Variants in CMTR2 observed in about 807,000 individuals in gnomAD.
CMTR2 encodes the protein cap methyltransferase 2, also known as cap-specific mRNA (nucleoside-2'-O-)-methyltransferase 2.
A neutral mutation model predicts 49.8 loss-of-function variants in CMTR2; 40 were observed. The observed-to-expected ratio is 0.80, with a 90% CI of 0.62 to 1.04. CMTR2 has a LOEUF of 1.04. Among genes scored for constraint, CMTR2 ranks in the 50% least tolerant of loss-of-function variants. The pLI, the probability that CMTR2 is intolerant of heterozygous loss-of-function variation, is 0.00. For synonymous variants in CMTR2, 326 were observed against 315.8 expected (o/e 1.03, Z -0.34); for missense variants, 907 against 897.2 (o/e 1.01, Z -0.14).
upstream of CMTR2, chr16:71,289,660 G>GGGAGGGGGAGGGGGAGGA (rs2041804917): frequency 6.6e-6 from 1 of 150,940 alleles, no homozygotes; most frequent in Admixed American, 6.6e-5. Flanking sequence ...GAGGGGGAGG[G>GGGAGGGGGAGGGGGAGGA]GGAGGGAGGG....
rs761754177 is a variant in CMTR2, at chr16:71,284,799, A to G, written c.1122T>C (p.Thr374=). 3.7e-6 allele frequency: 6 copies of G among 1,613,848 alleles called. 1 individual carries two copies. In the South Asian group the frequency reaches 6.6e-5, roughly 18 times the overall value. ...CVFFHKYQLE[T]ISENIRLFEC... ...CAAATAGACGAATGTTTTCAGAAAT[A>G]GTCTCTAGCTGATATTTATGAAAGA... Residue 374 remains threonine, a synonymous_variant, in exon 3 of 3, where the codon ACT becomes ACC. Transcript: ENST00000434935.
upstream of CMTR2, chr16:71,289,522 CA>C (rs2041800346): frequency 6.6e-6 from 1 of 152,196 alleles, no homozygotes. Flanking sequence ...TCGCGGAGTA[CA>C]GAAGCTGGGA....
chr16:71,281,874 A>G lies in CMTR2; in HGVS notation c.*1734T>C, dbSNP rs552744106. 5 of 152,126 alleles carry G rather than the reference A, an allele frequency of 3.3e-5. No individual in the cohort carries two copies. In the South Asian group the frequency reaches 1.0e-3, roughly 32 times the overall value. The allele number at this position is 152,126 out of a possible 1,614,324, so 9.4% of individuals were successfully genotyped here. On this transcript the variant is annotated 3_prime_UTR_variant, in exon 3 of 3. Transcript: ENST00000434935. ...TTCTTATCAAATAGTTAAAATAAGTAAAAAATAAGCTGCATTATTAGTATA... is the reference window on the plus strand; with the variant it reads ...TTCTTATCAAATAGTTAAAATAAGTGAAAAATAAGCTGCATTATTAGTATA...
At chr16:71,287,566 T>TGGGA (rs2041749856) in intron 2 of CMTR2, 1 of 152,126 alleles carries the variant, frequency 6.6e-6, no homozygotes, top group South Asian at 2.1e-4. Context: ...CCAAAGGAGT[T>TGGGA]GGGACTACAG....
Position 71,285,236 on chromosome 16 carries a change from C to A in CMTR2, c.685G>T (p.Val229Phe). Residue 229 changes from valine (V) to phenylalanine (F), a missense_variant, in exon 3 of 3, where the codon GTT becomes TTT. Val to Phe is a conservative substitution (Grantham distance 50). Coordinates refer to ENST00000434935, the MANE Select transcript of CMTR2 (RefSeq NM_018348.6). ...CTCCCATCTGCAGTGACCAAGTGAA[C>A]AGTAGCCATGCTGCTTATGAAATTC... Reference protein sequence around the residue: ...LQNFISSMATVHLVTADGSFD... With the variant: ...LQNFISSMATFHLVTADGSFD... The A allele has an allele frequency of 1.2e-6, 2 of 1,613,780 alleles. No homozygotes were observed. The highest frequency in any genetic ancestry group is 1.7e-6 in the Non-Finnish European group (2 of 1,179,678).
chr16:71,283,571 T>C lies in CMTR2; in HGVS notation c.*37A>G, dbSNP rs2041648055. The C allele has an allele frequency of 6.4e-7, 1 of 1,561,268 alleles. No individual in the cohort carries two copies. Among genetic ancestry groups the C allele is most frequent in the East Asian group, 2.2e-5 (1 of 44,560 alleles). On this transcript the variant is annotated 3_prime_UTR_variant, in exon 3 of 3. Coordinates refer to ENST00000434935, the MANE Select transcript of CMTR2 (RefSeq NM_018348.6). ...CAGGATGCAAATACTGGGCAAATTA[T>C]AAGAAATCATAAAGTTGAATCTCAG...
At position 71,281,531 on chromosome 16, in the gene CMTR2, T is replaced by G. The variant is rs1391746394; in HGVS notation, c.*2077A>C. The G allele has an allele frequency of 6.6e-6, 1 of 151,990 alleles. No homozygotes were observed. The highest frequency in any genetic ancestry group is 6.5e-5 in the Admixed American group (1 of 15,268). 9.4% of individuals were successfully genotyped at this position (151,990 alleles called of 1,614,324 possible). A position where few individuals can be genotyped will look rare whatever the true frequency, so the allele number is the denominator to read the frequency against. On this transcript the variant is annotated 3_prime_UTR_variant, in exon 3 of 3. Transcript: ENST00000434935. ...CTTCTTCTACTTTTCCATTCATCTT[T>G]TGAATAGCATTTTTCCTCTCCTTTC...
chr16:71,284,738 T>G lies in CMTR2; in HGVS notation c.1183A>C (p.Asn395His), dbSNP rs1163613372. 1 of 1,613,536 alleles carries G rather than the reference T, an allele frequency of 6.2e-7. No individual in the cohort carries two copies. The highest frequency in any genetic ancestry group is 1.3e-5 in the African/African-American group (1 of 74,928). ...MGKAEQEKLN[N>H]LRDCAIQYFM... ...TATTGTATAGCACAATCCCTTAAAT[T>G]ATTCAGCTTTTCTTGTTCCGCCTTT... The change falls in exon 3 of 3, where the codon AAT (asparagine) becomes CAT (histidine). Residue 395 changes from asparagine to histidine, a missense_variant. By Grantham distance (68) the Asn-to-His change is moderately conservative (BLOSUM62 1). Transcript: ENST00000434935.
At position 71,281,844 on chromosome 16, in the gene CMTR2, CTTCA is replaced by C. The variant is rs2041616323; in HGVS notation, c.*1760_*1763del. 1 of 151,974 alleles carries C rather than the reference CTTCA, an allele frequency of 6.6e-6. No homozygotes were observed. Among genetic ancestry groups the C allele is most frequent in the Admixed American group, 6.6e-5 (1 of 15,254 alleles). The allele number at this position is 151,974 out of a possible 1,614,324, so 9.4% of individuals were successfully genotyped here. ...CTAGAATCTGGACCCATGCCTTCAA[CTTCA>C]TTCTTATCAAATAGTTAAAATAAGT... is the stretch of plus-strand genomic sequence containing the variant. On this transcript the variant is annotated 3_prime_UTR_variant, in exon 3 of 3. Transcript: ENST00000434935.
Position 71,285,411 on chromosome 16 carries a change from T to G in CMTR2, c.510A>C (p.Val170=). 6.2e-7 allele frequency: 1 copy of G among 1,614,154 alleles called. No homozygotes were observed. ...SHRFPCHWSW[V]ANTLNPYHEA... is the part of the protein sequence containing the mutation. Reference sequence around the variant, plus strand: ...CATGGTATGGATTCAGAGTATTCGCTACCCAACTCCAATGACAAGGAAACC... The same window carrying G: ...CATGGTATGGATTCAGAGTATTCGCGACCCAACTCCAATGACAAGGAAACC... The change falls in exon 3 of 3, where the codon GTA becomes GTC. Residue 170 remains valine, a synonymous_variant. Transcript: ENST00000434935.
Position 71,283,960 on chromosome 16 carries a change from A to T in CMTR2, c.1961T>A (p.Phe654Tyr). The change falls in exon 3 of 3, where the codon TTT (phenylalanine) becomes TAT (tyrosine). Residue 654 changes from phenylalanine to tyrosine, a missense_variant. By Grantham distance (22) the Phe-to-Tyr change is conservative. Coordinates refer to ENST00000434935, the MANE Select transcript of CMTR2 (RefSeq NM_018348.6). The part of the protein sequence containing the change: ...ILPVLSCFTR[F>Y]MAGLIFVLHS... The stretch of plus-strand genomic sequence containing the variant: ...GAGTACAAAGATCAAACCAGCCATA[A>T]ATCTTGTGAAGCAAGAAAGTACAGG... 6.2e-7 allele frequency: 1 copy of T among 1,614,068 alleles called. No individual in the cohort carries two copies. Among genetic ancestry groups the T allele is most frequent in the East Asian group, 2.2e-5 (1 of 44,892 alleles).
chr16:71,284,857 G>C lies in CMTR2; in HGVS notation c.1064C>G (p.Ser355Cys), dbSNP rs765636530. 1 of 1,613,834 alleles carries C rather than the reference G, an allele frequency of 6.2e-7. No individual in the cohort carries two copies. Among genetic ancestry groups the C allele is most frequent in the South Asian group, 1.1e-5 (1 of 91,010 alleles). ...ALFPHHVIPD[S>C]FLKRHEECCV... The stretch of plus-strand genomic sequence containing the variant: ...ACATTCTTCATGTCTCTTAAGAAAA[G>C]AATCAGGAATCACATGATGGGGAAA... Residue 355 changes from serine (S) to cysteine (C), a missense_variant, in exon 3 of 3, where the codon TCT (serine) becomes TGT (cysteine). Coordinates refer to ENST00000434935, the MANE Select transcript of CMTR2 (RefSeq NM_018348.6).
rs2041696784 is a variant in CMTR2 at position 71,285,157 on chromosome 16, T to C, written c.764A>G (p.His255Arg). ...GEQEALVSSL[H>R]YCEVVTALTT... Reference sequence around the variant, plus strand: ...CAGAGCAGTGACAACTTCACAGTAATGCAAAGAAGAAACTAAAGCTTCTTG... The same window carrying C: ...CAGAGCAGTGACAACTTCACAGTAACGCAAAGAAGAAACTAAAGCTTCTTG... Residue 255 changes from histidine to arginine, a missense_variant, in exon 3 of 3, where the codon CAT (histidine) becomes CGT (arginine). Coordinates refer to ENST00000434935, the MANE Select transcript of CMTR2 (RefSeq NM_018348.6). 6 of 1,614,152 alleles carry C rather than the reference T, an allele frequency of 3.7e-6. No individual in the cohort carries two copies. The highest frequency in any genetic ancestry group is 5.1e-6 in the Non-Finnish European group (6 of 1,179,992).
In CMTR2 at chr16:71,285,245, T is replaced by C. The variant is rs2041699126; in HGVS notation, c.676A>G (p.Met226Val). The C allele has an allele frequency of 1.2e-6, 2 of 1,614,024 alleles. No homozygotes were observed. Among genetic ancestry groups the C allele is most frequent in the South Asian group, 1.1e-5 (1 of 91,074 alleles). Reference protein sequence around the residue: ...LTGLQNFISSMATVHLVTADG... With the variant: ...LTGLQNFISSVATVHLVTADG... ...GCAGTGACCAAGTGAACAGTAGCCA[T>C]GCTGCTTATGAAATTCTGAAGTCCA... The change falls in exon 3 of 3, where the codon ATG becomes GTG. Residue 226 changes from methionine (M) to valine (V), a missense_variant. By Grantham distance (21) the Met-to-Val change is conservative. Transcript: ENST00000434935.
intron 2 of CMTR2, chr16:71,286,448 T>G (rs1157366592): frequency 3.9e-5 from 6 of 151,902 alleles, no homozygotes; most frequent in Admixed American, 6.6e-5. Flanking sequence ...ACTTTTCGTT[T>G]TTTTTTTTTT....
At chr16:71,287,836 C>T (rs977074570) in intron 2 of CMTR2, 6 of 152,104 alleles carry the variant, frequency 3.9e-5, no homozygotes, top group African/African-American at 1.4e-4. Flanking sequence ...AAAATAAGGG[C>T]ATATAAAAGT....
rs2041626778 is a variant in CMTR2 at position 71,282,471 on chromosome 16, G to A, written c.*1137C>T. The A allele has an allele frequency of 6.6e-6, 1 of 151,948 alleles. No homozygotes were observed. The highest frequency in any genetic ancestry group is 2.4e-5 in the African/African-American group (1 of 41,398). 9.4% of individuals were successfully genotyped at this position (151,948 alleles called of 1,614,324 possible). A position where few individuals can be genotyped will look rare whatever the true frequency, so the allele number is the denominator to read the frequency against. On this transcript the variant is annotated 3_prime_UTR_variant, in exon 3 of 3. Coordinates refer to ENST00000434935, the MANE Select transcript of CMTR2 (RefSeq NM_018348.6). ...AGAATATAAATATTCTCCACTTTGT[G>A]GAACTTCAAGATAATGAAAAATTGC...
At position 71,283,350 on chromosome 16, in the gene CMTR2, T is replaced by C; in HGVS notation, c.*258A>G. 2.2e-6 allele frequency: 1 copy of C among 447,774 alleles called. No homozygotes were observed. The highest frequency in any genetic ancestry group is 3.9e-6 in the Non-Finnish European group (1 of 253,556). The allele number at this position is 447,774 out of a possible 1,614,324, so 27.7% of individuals were successfully genotyped here. ...AGGTAAGCATGGCTGTGGCCACCCA[T>C]ACACATACACACACCTCATATTTAG... is the stretch of plus-strand genomic sequence containing the variant. On this transcript the variant is annotated 3_prime_UTR_variant, in exon 3 of 3. Transcript: ENST00000434935.
chr16:71,286,043 A>G, intron 2 of CMTR2, 104 bp from the exon 3 acceptor site: 2 of 823,224 alleles, frequency 2.4e-6, no homozygotes, highest in Non-Finnish European at 3.7e-6. Context: ...ATAAAATGGG[A>G]AGGCTAAAGT....
Sources: gnomAD v4.1 joint callset for allele counts on GRCh38, gnomAD v4.1.1 for gene constraint, MANE v1.5 for transcripts, NCBI Gene and HGNC (gene_info 2026-07-23, HGNC 2026-07-21) for gene names.